Variants in PIP5K1C observed in about 807,000 individuals in gnomAD.
PIP5K1C encodes phosphatidylinositol-4-phosphate 5-kinase type 1 gamma.
A neutral mutation model predicts 80.1 loss-of-function variants in PIP5K1C; 45 were observed. That is an observed-to-expected ratio of 0.56 (90% CI 0.44 to 0.72). PIP5K1C has a LOEUF of 0.72. PIP5K1C is among the 30% of genes least tolerant of loss of function. The probability of loss-of-function intolerance (pLI) is 0.00; values close to 1 mark genes in which losing one functional copy is unlikely to be tolerated. For synonymous variants in PIP5K1C, 498 were observed against 420.1 expected, an observed-to-expected ratio of 1.19 and a Z score of -2.27; for missense variants, 753 against 954.6, an observed-to-expected ratio of 0.79 and a Z score of 2.78.
At chr19:3,683,180 C>T (rs1378900615) in intron 1 of PIP5K1C, among the ~76,000 whole-genome samples, 1 of 152,162 alleles carries the variant, frequency 6.6e-6, no homozygotes, top group Non-Finnish European at 1.5e-5. Flanking sequence ...CATTTGTTCC[C>T]TCTGAGGCCA....
chr19:3,631,951 C>G lies in PIP5K1C; in HGVS notation c.*1216G>C, dbSNP rs528775060. 6.6e-6 allele frequency: 1 copy of G among 152,230 alleles called. No homozygotes were observed. Among genetic ancestry groups the G allele is most frequent in the Non-Finnish European group, 1.5e-5 (1 of 68,060 alleles). The allele number at this position is 152,230 out of a possible 1,614,324, so 9.4% of individuals were successfully genotyped here. A position where few individuals can be genotyped will look rare whatever the true frequency, so the allele number is the denominator to read the frequency against. Reference sequence around the variant, plus strand: ...ACAGCCATCACCAATAAGCCCCTCTCAGGGGTCCTGGGGAAGGGCAGGGTG... The same window carrying G: ...ACAGCCATCACCAATAAGCCCCTCTGAGGGGTCCTGGGGAAGGGCAGGGTG... On this transcript the variant is annotated 3_prime_UTR_variant, in exon 18 of 18. Transcript: ENST00000335312.
chr19:3,700,452 G>C lies in PIP5K1C; in HGVS notation c.-62C>G. ...GACCCGAGCTGCGACCGCCGCCGCCGAACAACAAGCGCCGCCGGCCAAGGG... is the reference window on the plus strand; with the variant it reads ...GACCCGAGCTGCGACCGCCGCCGCCCAACAACAAGCGCCGCCGGCCAAGGG... On this transcript the variant is annotated 5_prime_UTR_variant, in exon 1 of 18. Transcript: ENST00000335312. 8.6e-6 allele frequency: 8 copies of C among 924,906 alleles called. No homozygotes were observed. The highest frequency in any genetic ancestry group is 9.1e-6 in the Non-Finnish European group (7 of 767,150). 57.3% of individuals were successfully genotyped at this position (924,906 alleles called of 1,614,324 possible).
At chr19:3,663,746 C>T (rs1029845446) in intron 3 of PIP5K1C, among the ~76,000 whole-genome samples, 2 of 152,202 alleles carry the variant, frequency 1.3e-5, no homozygotes, top group East Asian at 1.9e-4. Context: ...GGTGAGGACA[C>T]GGGGACGCTG....
intron 1 of PIP5K1C, among the ~76,000 whole-genome samples, chr19:3,686,469 AG>A (rs1363372603): frequency 6.6e-6 from 1 of 151,874 alleles, no homozygotes; most frequent in Non-Finnish European, 1.5e-5. Context: ...GTGTAATCCT[AG>A]CACTCTGGGA....
At position 3,637,784 on chromosome 19, in the gene PIP5K1C, A is replaced by G; in HGVS notation, c.1920+1100T>C. On this transcript the variant is annotated intron_variant, in intron 16 of 17. Transcript: ENST00000335312. This position sits in a 1 kb window ranked among gnomAD's most constrained non-coding sequence, Gnocchi z 7.0. ...GGGTGCCGGGGCAGGGGCAGGACCGAGGACCCTTCTCCCTTCTCTGCTGCC... is the reference window on the plus strand; with the variant it reads ...GGGTGCCGGGGCAGGGGCAGGACCGGGGACCCTTCTCCCTTCTCTGCTGCC... The G allele has an allele frequency of 6.5e-7, 1 of 1,533,774 alleles. No individual in the cohort carries two copies. The highest frequency in any genetic ancestry group is 8.7e-7 in the Non-Finnish European group (1 of 1,146,464).
At chr19:3,653,997 C>T (rs570309787) in intron 6 of PIP5K1C, among the ~76,000 whole-genome samples, 44 of 152,298 alleles carry the variant, frequency 2.9e-4, no homozygotes, top group African/African-American at 9.1e-4. Context: ...TACACACACA[C>T]GCACACACAC....
intron 1 of PIP5K1C, among the ~76,000 whole-genome samples, chr19:3,670,365 A>T (rs1435974398): frequency 2.6e-5 from 4 of 151,678 alleles, no homozygotes; most frequent in Admixed American, 2.6e-4. Flanking sequence ...CGCTGTCCTT[A>T]TAAGAGAAGC....
At chr19:3,681,241 T>G (rs2035580284) in intron 1 of PIP5K1C, among the ~76,000 whole-genome samples, 1 of 151,646 alleles carries the variant, frequency 6.6e-6, no homozygotes, top group Non-Finnish European at 1.5e-5. Flanking sequence ...ACTTTTTTTT[T>G]TTTTTTTGAG....
intron 1 of PIP5K1C, among the ~76,000 whole-genome samples, chr19:3,679,888 C>T (rs1486351856): frequency 1.3e-5 from 2 of 152,206 alleles, no homozygotes; most frequent in Non-Finnish European, 2.9e-5. Context: ...AGAACGTGCC[C>T]GGCATGTTGC....
Position 3,637,719 on chromosome 19 carries a change from G to T in PIP5K1C, c.1920+1165C>A. ...TGGGAGAGGCGGAGGGAGGTGGCGG[G>T]GAGCAGGTGGGGACAGCTGACTGCC... On this transcript the variant is annotated intron_variant, in intron 16 of 17. Transcript: ENST00000335312. This position sits in a 1 kb window ranked among gnomAD's most constrained non-coding sequence, Gnocchi z 7.0. The T allele has an allele frequency of 6.6e-7, 1 of 1,514,680 alleles. No homozygotes were observed. The highest frequency in any genetic ancestry group is 8.8e-7 in the Non-Finnish European group (1 of 1,135,872). The allele number at this position is 1,514,680 out of a possible 1,614,324, so 93.8% of individuals were successfully genotyped here. A position where few individuals can be genotyped will look rare whatever the true frequency, so the allele number is the denominator to read the frequency against.
At chr19:3,676,419 G>A (rs1017126026) in intron 1 of PIP5K1C, among the ~76,000 whole-genome samples, 6 of 152,220 alleles carry the variant, frequency 3.9e-5, no homozygotes, top group African/African-American at 7.2e-5. Context: ...GTTTGGGTTC[G>A]GTCAACTCTA....
At chr19:3,661,784 G>A in intron 4 of PIP5K1C, 87 bp downstream of exon 4, 1 of 1,533,596 alleles carries the variant, frequency 6.5e-7, no homozygotes, top group Non-Finnish European at 8.9e-7. Flanking sequence ...GCTGCTTTCA[G>A]CAGAGAAGGG....
chr19:3,669,203 G>C (rs1208809953), intron 1 of PIP5K1C, among the ~76,000 whole-genome samples: 1 of 152,174 alleles, frequency 6.6e-6, no homozygotes, highest in Non-Finnish European at 1.5e-5. Context: ...TTATGAGCCC[G>C]TGGAGACACT....
intron 1 of PIP5K1C, among the ~76,000 whole-genome samples, chr19:3,697,325 G>A (rs73919331): frequency 0.12 from 18,213 of 150,654 alleles, 1,448 homozygotes; most frequent in Admixed American, 0.25. Flanking sequence ...GCCGGACGGA[G>A]GAGGACCGAG....
intron 16 of PIP5K1C, 46 bp from the exon 17 acceptor site, chr19:3,633,566 C>A (rs563010307): frequency 3.0e-6 from 4 of 1,317,866 alleles, no homozygotes; most frequent in Non-Finnish European, 4.0e-6. Flanking sequence ...GAGCAGGGTG[C>A]GAGGAGGTGC....
rs148872290 is a variant in PIP5K1C, at chr19:3,681,179, G to A, written c.95-13826C>T. Among the ~76,000 whole-genome samples the A allele has an allele frequency of 1.4e-3, 211 of 152,004 alleles. 1 individual carries two copies. The highest frequency in any genetic ancestry group is 4.9e-3 in the African/African-American group (204 of 41,442). On this transcript the variant is annotated intron_variant, in intron 1 of 17. Coordinates refer to ENST00000335312, the MANE Select transcript of PIP5K1C (RefSeq NM_012398.3). ...AGGGTGTTCCTGACACTATTCTCCGGGTGTGTACAATGTTTCAGGAAAAGA... is the reference window on the plus strand; with the variant it reads ...AGGGTGTTCCTGACACTATTCTCCGAGTGTGTACAATGTTTCAGGAAAAGA...
intron 1 of PIP5K1C, among the ~76,000 whole-genome samples, chr19:3,687,750 G>A (rs2035807886): frequency 6.6e-6 from 1 of 152,170 alleles, no homozygotes; most frequent in Admixed American, 6.5e-5. Context: ...CCGAGTAGTA[G>A]GCCGCCCCTC....
rs1385773131 is a variant in PIP5K1C at position 3,637,860 on chromosome 19, G to GC, written c.1920+1023dup. On this transcript the variant is annotated intron_variant, in intron 16 of 17. Transcript: ENST00000335312. This position sits in a 1 kb window ranked among gnomAD's most constrained non-coding sequence, Gnocchi z 7.0. ...ACACACAGCACGACATGGCCCCCAG[G>GC]CCCCCCGTACCATCCGGAGACCAGG... The GC allele has an allele frequency of 2.6e-6, 4 of 1,535,328 alleles. No homozygotes were observed. The highest frequency in any genetic ancestry group is 2.4e-5 in the South Asian group (2 of 84,048).
chr19:3,660,380 GAA>G (rs34093571), intron 5 of PIP5K1C, among the ~76,000 whole-genome samples: 1 of 142,724 alleles, frequency 7.0e-6, no homozygotes, highest in Non-Finnish European at 1.5e-5. Flanking sequence ...ACTCTGTCTC[GAA>G]AAAAAAAAAA....
Sources: gnomAD v4.1 joint callset for allele counts (sites outside exome capture counted in the v4.1 genomes callset) on GRCh38, gnomAD v4.1.1 for gene constraint, Gnocchi (gnomAD v3.1) non-coding constraint, MANE v1.5 for transcripts, NCBI Gene and HGNC (gene_info 2026-07-23, HGNC 2026-07-21) for gene names.